The following ARHGEF18 variants were observed in gnomAD, a reference collection of about 807,000 sequenced individuals.
ARHGEF18 encodes Rho/Rac guanine nucleotide exchange factor 18, also known as rho guanine nucleotide exchange factor 18.
Under a neutral mutation model 155.7 loss-of-function variants are expected in ARHGEF18, and 93 were observed. The ratio of observed to expected loss-of-function variants is 0.60; its 90% CI spans 0.50 to 0.71. The LOEUF is 0.71. Among genes scored for constraint, ARHGEF18 ranks in the 30% least tolerant of loss-of-function variants. ARHGEF18 has a pLI of 0.00. For missense variants in ARHGEF18, 1,593 were observed against 1,816.1 expected (o/e 0.88, Z 2.23); for synonymous variants, 742 against 753.1 (o/e 0.99, Z 0.24).
Position 7,453,561 on chromosome 19 carries a change from G to A in ARHGEF18, c.1950G>A (p.Lys650=), listed in dbSNP as rs892238770. 1.2e-6 allele frequency: 2 copies of A among 1,614,014 alleles called. No homozygotes were observed. Among genetic ancestry groups the A allele is most frequent in the African/African-American group, 1.3e-5 (1 of 74,942 alleles). Residue 650 remains lysine, a synonymous_variant, in exon 17 of 29, where the codon AAG becomes AAA. Coordinates refer to ENST00000668164, the MANE Select transcript of ARHGEF18 (RefSeq NM_001367823.1). ...QVDAKVSECE[K]GQRLREIAGK... is the part of the protein sequence containing the mutation. ...ACGCCAAGGTCAGTGAGTGTGAGAAGGGCCAGCGCCTCAGGGAGATCGCAG... is the reference window on the plus strand; with the variant it reads ...ACGCCAAGGTCAGTGAGTGTGAGAAAGGCCAGCGCCTCAGGGAGATCGCAG...
intron 10 of ARHGEF18, among the ~76,000 whole-genome samples, chr19:7,437,101 G>A (rs986536445): frequency 6.6e-5 from 10 of 152,120 alleles, no homozygotes; most frequent in Non-Finnish European, 1.2e-4. Flanking sequence ...TCACCTGCTC[G>A]TTAACAATCA....
chr19:7,406,369 G>A (rs888083665), intron 10 of ARHGEF18, among the ~76,000 whole-genome samples: 9 of 152,168 alleles, frequency 5.9e-5, no homozygotes, highest in Non-Finnish European at 5.9e-5. Flanking sequence ...ACAAGCGTGA[G>A]CCACCACACC....
At chr19:7,388,874 C>T (rs1971231412) in intron 10 of ARHGEF18, among the ~76,000 whole-genome samples, 1 of 152,094 alleles carries the variant, frequency 6.6e-6, no homozygotes, top group African/African-American at 2.4e-5. Context: ...AGCCACCGCG[C>T]CTGGCCTGCC....
chr19:7,404,457 C>CTTT (rs35583640), intron 10 of ARHGEF18, among the ~76,000 whole-genome samples: 8 of 115,282 alleles, frequency 6.9e-5, no homozygotes, highest in Non-Finnish European at 1.2e-4. Flanking sequence ...GGATCTCTCT[C>CTTT]TTTTTTTTTT....
At chr19:7,429,534 C>T (rs534221721) in intron 10 of ARHGEF18, among the ~76,000 whole-genome samples, 6 of 152,120 alleles carry the variant, frequency 3.9e-5, no homozygotes, top group South Asian at 2.1e-4. Context: ...ACCCGGGAGG[C>T]GGAGGTTGCA....
In ARHGEF18 at chr19:7,358,215, T is replaced by A. The variant is rs59083307; in HGVS notation, c.-110-4566T>A. ...CAGCCAACTCTTCAACCATCCATCC[T>A]TCCATCCATCCATCCATCCATCCAT... On this transcript the variant is annotated intron_variant, in intron 1 of 28. Coordinates refer to ENST00000668164, the MANE Select transcript of ARHGEF18 (RefSeq NM_001367823.1). Among the ~76,000 whole-genome samples, 938 of 142,832 alleles carry A rather than the reference T, an allele frequency of 6.6e-3. 13 individuals are homozygous for A. The highest frequency in any genetic ancestry group is 0.023 in the African/African-American group (879 of 38,158). 93.7% of individuals were successfully genotyped at this position (142,832 alleles called of 152,430 possible). A position where few individuals can be genotyped will look rare whatever the true frequency, so the allele number is the denominator to read the frequency against.
At chr19:7,391,473 G>A (rs1301887690) in intron 10 of ARHGEF18, among the ~76,000 whole-genome samples, 1 of 151,942 alleles carries the variant, frequency 6.6e-6, no homozygotes, top group East Asian at 1.9e-4. Flanking sequence ...ATCCCTCCAC[G>A]CTTCTCTCCC....
intron 10 of ARHGEF18, among the ~76,000 whole-genome samples, chr19:7,394,608 TC>T (rs757892431): frequency 5.5e-5 from 8 of 145,928 alleles, no homozygotes; most frequent in East Asian, 2.0e-4. Flanking sequence ...TCCCTCGGGG[TC>T]CCCCCAACCC....
chr19:7,449,361 C>G (rs1264571036), intron 15 of ARHGEF18, among the ~76,000 whole-genome samples: 3 of 152,026 alleles, frequency 2.0e-5, no homozygotes, highest in African/African-American at 7.2e-5. Flanking sequence ...ATCACTTGAG[C>G]CCAGGAGTTT....
intron 10 of ARHGEF18, among the ~76,000 whole-genome samples, chr19:7,412,068 C>G (rs916954261): frequency 2.9e-4 from 44 of 150,656 alleles, no homozygotes; most frequent in Non-Finnish European, 8.8e-5. Context: ...TGGAGTCTCG[C>G]TCTGTCACGC....
the ARHGEF18 span, among the ~76,000 whole-genome samples, chr19:7,478,758 TC>T: frequency 1.3e-5 from 2 of 152,204 alleles, no homozygotes; most frequent in East Asian, 3.9e-4. Flanking sequence ...GGACGCCGTT[TC>T]CCCTCCGGGC....
intron 22 of ARHGEF18, 67 bp from the exon 23 acceptor site, chr19:7,464,493 G>A (rs971530736): frequency 1.3e-5 from 20 of 1,545,536 alleles, no homozygotes; most frequent in African/African-American, 2.7e-5. Context: ...GGCTGGGGGT[G>A]GACTGGGAAG....
At chr19:7,385,870 T>C (rs866473128) in intron 10 of ARHGEF18, among the ~76,000 whole-genome samples, 484 of 29,402 alleles carry the variant, frequency 0.016, 2 homozygotes, top group African/African-American at 0.027. Context: ...TCTCTCTCTC[T>C]CCCCCCTCCC....
intron 6 of ARHGEF18, among the ~76,000 whole-genome samples, chr19:7,378,742 G>C (rs1970587519): frequency 1.4e-5 from 2 of 141,628 alleles, no homozygotes; most frequent in South Asian, 4.5e-4. Flanking sequence ...ACCCAGGCTG[G>C]AGTACAGTGG....
At chr19:7,450,757 T>C in intron 15 of ARHGEF18, among the ~76,000 whole-genome samples, 1 of 152,282 alleles carries the variant, frequency 6.6e-6, no homozygotes, top group Non-Finnish European at 1.5e-5. Context: ...ATGCGGGATC[T>C]TGCTGTCCGT....
At chr19:7,472,920 T>G (rs963157793), downstream of ARHGEF18, 14 of 451,536 alleles carry the variant, frequency 3.1e-5, no homozygotes, top group African/African-American at 2.8e-4. Flanking sequence ...GAGGCTGGTC[T>G]CGAACTCCTG....
intron 13 of ARHGEF18, among the ~76,000 whole-genome samples, chr19:7,442,595 CTGTCGGAGAGGATTT>C (rs1182623306): frequency 6.6e-6 from 1 of 152,238 alleles, no homozygotes; most frequent in African/African-American, 2.4e-5. Context: ...AGGAAAGAGA[CTGTCGGAGAGGATTT>C]TGTTATAATA....
In ARHGEF18 at chr19:7,375,575, T is replaced by C. The variant is rs1017180531; in HGVS notation, c.276-145T>C. ...CACCCACTCCTCTCATATTGGGAGG[T>C]CTGGACCCCTTTCTGTGGCTTGCGC... On this transcript the variant is annotated intron_variant, in intron 3 of 28. Transcript: ENST00000668164. 9.6e-6 allele frequency: 7 copies of C among 730,946 alleles called. No individual in the cohort carries two copies. The African/African-American group carries it at 1.3e-4, about 13-fold the overall frequency. 45.3% of individuals were successfully genotyped at this position (730,946 alleles called of 1,614,324 possible).
chr19:7,407,300 C>G (rs1972376100), intron 10 of ARHGEF18, among the ~76,000 whole-genome samples: 1 of 151,756 alleles, frequency 6.6e-6, no homozygotes, highest in Non-Finnish European at 1.5e-5. Context: ...GTGGCGGGCA[C>G]CTGTAATCCC....
Sources: allele counts gnomAD v4.1 joint callset (sites outside exome capture counted in the v4.1 genomes callset), GRCh38; gene constraint gnomAD v4.1.1; transcripts MANE v1.5; gene names NCBI Gene and HGNC (gene_info 2026-07-23, HGNC 2026-07-21).